POLL: variants seen among roughly 807,000 people sequenced by gnomAD.
The protein encoded by POLL is DNA polymerase lambda.
In POLL, 44 loss-of-function variants were observed where a neutral mutation model predicts 58.1. That is an observed-to-expected ratio of 0.76 (90% CI 0.60 to 0.97). The LOEUF (loss-of-function observed/expected upper bound fraction) is 0.97. Among genes scored for constraint, POLL ranks in the 50% least tolerant of loss-of-function variants. The pLI is 0.00. For synonymous variants in POLL, 290 were observed against 283.2 expected, an observed-to-expected ratio of 1.02 and a Z score of -0.24; for missense variants, 632 against 736.8, an observed-to-expected ratio of 0.86 and a Z score of 1.65.
At position 101,584,829 on chromosome 10, in the gene POLL, A is replaced by AG; in HGVS notation, c.663dup (p.Ser222LeufsTer3). 1 of 1,553,260 alleles carries AG rather than the reference A, an allele frequency of 6.4e-7. No individual in the cohort carries two copies. The highest frequency in any genetic ancestry group is 8.7e-7 in the Non-Finnish European group (1 of 1,146,490). On this transcript the variant is annotated frameshift_variant, in exon 5 of 9. Coordinates refer to ENST00000370162, the MANE Select transcript of POLL (RefSeq NM_001174084.2). LOFTEE classifies it high-confidence loss of function. ...CTAGGCTCACAATCTCCCTCAAGGG[A>AG]GGTGGGGTAGTGGCCACTGATGAGG...
At chr10:101,588,268 T>A (rs778220706), upstream of POLL, 42 of 1,565,634 alleles carry the variant, frequency 2.7e-5, no homozygotes, top group East Asian at 8.6e-4. Flanking sequence ...AGCTTCCGAG[T>A]CAGCCGGAAG....
In POLL at chr10:101,588,040, A is replaced by G; in HGVS notation, c.-265T>C. On this transcript the variant is annotated 5_prime_UTR_variant, in exon 1 of 9. Coordinates refer to ENST00000370162, the MANE Select transcript of POLL (RefSeq NM_001174084.2). ...GGCAGGTGCGGTGTACTCGCCGTGT[A>G]CGCAGCTGGCGCAGGCCAGGGAATC... 7.1e-7 allele frequency: 1 copy of G among 1,410,742 alleles called. No homozygotes were observed. The highest frequency in any genetic ancestry group is 9.4e-7 in the Non-Finnish European group (1 of 1,067,548). 87.4% of individuals were successfully genotyped at this position (1,410,742 alleles called of 1,614,324 possible). A position where few individuals can be genotyped will look rare whatever the true frequency, so the allele number is the denominator to read the frequency against.
In POLL at chr10:101,588,190, A is replaced by C. The variant is rs1247694441; in HGVS notation, c.-415T>G. 10 of 1,534,394 alleles carry C rather than the reference A, an allele frequency of 6.5e-6. No individual in the cohort carries two copies. Among genetic ancestry groups the C allele is most frequent in the Non-Finnish European group, 7.0e-6 (8 of 1,142,864 alleles). On this transcript the variant is annotated 5_prime_UTR_variant, in exon 1 of 9. The change creates a new upstream start codon in the 5' untranslated region. Coordinates refer to ENST00000370162, the MANE Select transcript of POLL (RefSeq NM_001174084.2). ...AGCTAGTCACCCGGGGGTGGGCAGG[A>C]ATAGACCACTTACCAGCAGAGCCAA...
chr10:101,583,503 G>A lies in POLL; in HGVS notation c.1065+5C>T. ...ACTGAAGTAGGGGCTGAGCCAGGGTGTGACCTGTTGGTACCACATCTGGGC... is the reference window on the plus strand; with the variant it reads ...ACTGAAGTAGGGGCTGAGCCAGGGTATGACCTGTTGGTACCACATCTGGGC... On this transcript the variant is annotated splice_donor_5th_base_variant and intron_variant, in intron 6 of 8. Transcript: ENST00000370162. The A allele has an allele frequency of 1.2e-6, 2 of 1,612,512 alleles. No individual in the cohort carries two copies. Among genetic ancestry groups the A allele is most frequent in the Non-Finnish European group, 1.7e-6 (2 of 1,179,966 alleles).
In POLL at chr10:101,588,153, G is replaced by C; in HGVS notation, c.-378C>G. On this transcript the variant is annotated 5_prime_UTR_variant, in exon 1 of 9. Transcript: ENST00000370162. ...CCAGAGTCGGTCCCCGGGTGGGGTC[G>C]ACTACTGGCCAAGCTAGTCACCCGG... is the stretch of plus-strand genomic sequence containing the variant. 1 of 1,518,906 alleles carries C rather than the reference G, an allele frequency of 6.6e-7. No homozygotes were observed. The highest frequency in any genetic ancestry group is 1.2e-5 in the South Asian group (1 of 82,428). 94.1% of individuals were successfully genotyped at this position (1,518,906 alleles called of 1,614,324 possible).
rs957300158 is a variant in POLL at position 101,588,234 on chromosome 10, G to A, written c.-459C>T. 7 of 1,550,630 alleles carry A rather than the reference G, an allele frequency of 4.5e-6. No individual in the cohort carries two copies. The highest frequency in any genetic ancestry group is 1.2e-5 in the South Asian group (1 of 83,880). On this transcript the variant is annotated 5_prime_UTR_variant, in exon 1 of 9. Coordinates refer to ENST00000370162, the MANE Select transcript of POLL (RefSeq NM_001174084.2). ...GAGCCAATGAGAGCGGACGAAGGGGGGAAGGAGGGCAAATGGCCAGAATAG... is the reference window on the plus strand; with the variant it reads ...GAGCCAATGAGAGCGGACGAAGGGGAGAAGGAGGGCAAATGGCCAGAATAG...
In POLL at chr10:101,580,297, C is replaced by T; in HGVS notation, c.1314G>A (p.Arg438=). 2 of 1,613,996 alleles carry T rather than the reference C, an allele frequency of 1.2e-6. No individual in the cohort carries two copies. Among genetic ancestry groups the T allele is most frequent in the Non-Finnish European group, 1.7e-6 (2 of 1,179,976 alleles). Residue 438 remains arginine (R), a synonymous_variant, in exon 8 of 9, where the codon CGG becomes CGA. Coordinates refer to ENST00000370162, the MANE Select transcript of POLL (RefSeq NM_001174084.2). This position sits in a 1 kb window ranked among gnomAD's most constrained non-coding sequence, Gnocchi z 4.1. ...GGCGGCTGAAGATACCCCGGTGGGA[C>T]CGGCCATCTGGGTGAGTGATGAGCA... is the stretch of plus-strand genomic sequence containing the variant. ...VDVLITHPDG[R]SHRGIFSRLL...
Position 101,587,981 on chromosome 10 carries a change from A to AGGGCCTCAGGGCC in POLL, c.-207_-206insGGCCCTGAGGCCC. The AGGGCCTCAGGGCC allele has an allele frequency of 7.7e-7, 1 of 1,290,816 alleles. No homozygotes were observed. Among genetic ancestry groups the AGGGCCTCAGGGCC allele is most frequent in the East Asian group, 5.0e-5 (1 of 19,980 alleles). The allele number at this position is 1,290,816 out of a possible 1,614,324, so 80.0% of individuals were successfully genotyped here. On this transcript the variant is annotated 5_prime_UTR_variant, in exon 1 of 9. Coordinates refer to ENST00000370162, the MANE Select transcript of POLL (RefSeq NM_001174084.2). Reference sequence around the variant, plus strand: ...AGCAGGTGTGGGGAGCCCTCCGGGAATGGAGGAGTCTCGCAGCTGCGGGTG... The same window carrying AGGGCCTCAGGGCC: ...AGCAGGTGTGGGGAGCCCTCCGGGAAGGGCCTCAGGGCCTGGAGGAGTCTCGCAGCTGCGGGTG...
rs752904278 is a variant in POLL, at chr10:101,587,687, A to C, written c.-47+135T>G. ...ATTCCTCAGAGGGGTTGCGCTAAAG[A>C]TTCAGCACAGCCCTGCTGCGGCCCA... On this transcript the variant is annotated intron_variant, in intron 1 of 8. Transcript: ENST00000370162. 2.4e-5 allele frequency: 25 copies of C among 1,029,668 alleles called. No homozygotes were observed. The South Asian group carries it at 4.0e-4, about 16-fold the overall frequency. The allele number at this position is 1,029,668 out of a possible 1,614,324, so 63.8% of individuals were successfully genotyped here. A position where few individuals can be genotyped will look rare whatever the true frequency, so the allele number is the denominator to read the frequency against.
Position 101,580,327 on chromosome 10 carries a change from G to C in POLL, c.1284C>G (p.Val428=), listed in dbSNP as rs910037729. 2 of 1,613,914 alleles carry C rather than the reference G, an allele frequency of 1.2e-6. No individual in the cohort carries two copies. The highest frequency in any genetic ancestry group is 1.1e-5 in the South Asian group (1 of 91,086). ...CATCTGGGTGAGTGATGAGCACGTC[G>C]ACATCACCACAGGTCGCCTTTCCCC... The part of the protein sequence containing the change: ...YRRGKATCGD[V]DVLITHPDGR... Residue 428 remains valine, a synonymous_variant, in exon 8 of 9, where the codon GTC becomes GTG. Coordinates refer to ENST00000370162, the MANE Select transcript of POLL (RefSeq NM_001174084.2). The surrounding 1 kb of genome is among the most constrained non-coding windows in gnomAD (Gnocchi z 4.1).
chr10:101,580,194 C>T lies in POLL; in HGVS notation c.1363+54G>A. 1 of 1,532,958 alleles carries T rather than the reference C, an allele frequency of 6.5e-7. No homozygotes were observed. Among genetic ancestry groups the T allele is most frequent in the Non-Finnish European group, 8.9e-7 (1 of 1,127,176 alleles). 95.0% of individuals were successfully genotyped at this position (1,532,958 alleles called of 1,614,324 possible). ...CTGAGGTTCTCCCTCTGAGGGGGCC[C>T]CCAGACCTGTGCTGCCCTCTGTCAA... is the stretch of plus-strand genomic sequence containing the variant. On this transcript the variant is annotated intron_variant, in intron 8 of 8. Transcript: ENST00000370162. This position sits in a 1 kb window ranked among gnomAD's most constrained non-coding sequence, Gnocchi z 4.1.
chr10:101,583,077 C>T (rs2063094684), intron 6 of POLL, 186 bp from the exon 7 acceptor site: 1 of 679,042 alleles, frequency 1.5e-6, no homozygotes. Context: ...GGAAACATGC[C>T]ATCATCCAGC....
rs529593270 is a variant in POLL at position 101,588,088 on chromosome 10, C to G, written c.-313G>C. The G allele has an allele frequency of 6.7e-7, 1 of 1,490,660 alleles. No individual in the cohort carries two copies. The highest frequency in any genetic ancestry group is 2.7e-5 in the East Asian group (1 of 37,138). 92.3% of individuals were successfully genotyped at this position (1,490,660 alleles called of 1,614,324 possible). A position where few individuals can be genotyped will look rare whatever the true frequency, so the allele number is the denominator to read the frequency against. On this transcript the variant is annotated 5_prime_UTR_variant, in exon 1 of 9. Coordinates refer to ENST00000370162, the MANE Select transcript of POLL (RefSeq NM_001174084.2). ...ATCCCAGCTCGGGGCTAGAAGAAAG[C>G]TGGAGTGCCCGACCCCGGCCCCAAG...
intron 5 of POLL, among the ~76,000 whole-genome samples, chr10:101,584,264 G>C (rs973575525): frequency 2.0e-5 from 3 of 152,028 alleles, no homozygotes; most frequent in African/African-American, 7.2e-5. Context: ...TAGATTGCTT[G>C]AGCCCAGGAG....
chr10:101,579,219 G>A lies in POLL; in HGVS notation c.*234C>T, dbSNP rs2062841418. 1.8e-6 allele frequency: 1 copy of A among 559,744 alleles called. No homozygotes were observed. The highest frequency in any genetic ancestry group is 3.0e-5 in the East Asian group (1 of 33,554). 34.7% of individuals were successfully genotyped at this position (559,744 alleles called of 1,614,324 possible). ...TTCTTCGAGGGGCAGTGGTGAGGTA[G>A]AAGGGGTGGCAGCCTGCTCCTGTCT... On this transcript the variant is annotated 3_prime_UTR_variant, in exon 9 of 9. Coordinates refer to ENST00000370162, the MANE Select transcript of POLL (RefSeq NM_001174084.2). This position sits in a 1 kb window ranked among gnomAD's most constrained non-coding sequence, Gnocchi z 4.4.
chr10:101,586,755 A>T (rs958556922), intron 2 of POLL, among the ~76,000 whole-genome samples: 1 of 152,140 alleles, frequency 6.6e-6, no homozygotes, highest in Admixed American at 6.5e-5. Context: ...TCGGCCTCCC[A>T]AAGTGCTGAG....
In POLL at chr10:101,588,076, GC is replaced by G; in HGVS notation, c.-302del. ...GCAGGCCAGGGAATCCCAGCTCGGGGCTAGAAGAAAGCTGGAGTGCCCGACC... is the reference window on the plus strand; with the variant it reads ...GCAGGCCAGGGAATCCCAGCTCGGGGTAGAAGAAAGCTGGAGTGCCCGACC... On this transcript the variant is annotated 5_prime_UTR_variant, in exon 1 of 9. Transcript: ENST00000370162. The G allele has an allele frequency of 2.0e-6, 3 of 1,475,484 alleles. No individual in the cohort carries two copies. Among genetic ancestry groups the G allele is most frequent in the Non-Finnish European group, 2.7e-6 (3 of 1,108,822 alleles). 91.4% of individuals were successfully genotyped at this position (1,475,484 alleles called of 1,614,324 possible). A position where few individuals can be genotyped will look rare whatever the true frequency, so the allele number is the denominator to read the frequency against.
Position 101,587,416 on chromosome 10 carries a change from G to T in POLL, c.-46-10C>A, listed in dbSNP as rs1297975327. On this transcript the variant is annotated splice_polypyrimidine_tract_variant and intron_variant, in intron 1 of 8. Coordinates refer to ENST00000370162, the MANE Select transcript of POLL (RefSeq NM_001174084.2). Reference sequence around the variant, plus strand: ...GCGTTGGTCAGGGCTGCTGCACGTGGAAATCCAGAATTGAGGCCCTCCAAC... The same window carrying T: ...GCGTTGGTCAGGGCTGCTGCACGTGTAAATCCAGAATTGAGGCCCTCCAAC... The T allele has an allele frequency of 1.9e-6, 3 of 1,600,210 alleles. No individual in the cohort carries two copies. The African/African-American group carries it at 4.0e-5, about 21-fold the overall frequency.
At chr10:101,585,612 G>C (rs2063282188) in intron 3 of POLL, 134 bp from the exon 4 acceptor site, 1 of 855,272 alleles carries the variant, frequency 1.2e-6, no homozygotes, top group African/African-American at 1.7e-5. Flanking sequence ...GGTTTTTGGA[G>C]TTTCTCTTGA....
Sources: gnomAD v4.1 joint callset for allele counts (sites outside exome capture counted in the v4.1 genomes callset) on GRCh38, gnomAD v4.1.1 for gene constraint, Gnocchi (gnomAD v3.1) non-coding constraint, MANE v1.5 for transcripts, NCBI Gene and HGNC (gene_info 2026-07-23, HGNC 2026-07-21) for gene names.